Variants in TTLL9 observed in about 807,000 individuals in gnomAD.
The protein encoded by TTLL9 is probable tubulin polyglutamylase TTLL9.
A neutral mutation model predicts 65.6 loss-of-function variants in TTLL9; 47 were observed. That is an observed-to-expected ratio of 0.72 (90% confidence interval 0.57 to 0.91). The LOEUF is 0.91. TTLL9 is among the 40% of genes least tolerant of loss of function. The pLI, the probability that TTLL9 is intolerant of heterozygous loss-of-function variation, is 0.00. For synonymous variants in TTLL9, 179 were observed against 204.8 expected, an observed-to-expected ratio of 0.87 and a Z score of 1.07; for missense variants, 537 against 568.8, an observed-to-expected ratio of 0.94 and a Z score of 0.57.
At chr20:31,937,566 C>A in intron 13 of TTLL9, 57 bp downstream of exon 13, 1 of 1,411,042 alleles carries the variant, frequency 7.1e-7, no homozygotes, top group Non-Finnish European at 9.8e-7. Context: ...AGGCTCCCAC[C>A]AAGGAAGAGG....
intron 7 of TTLL9, among the ~76,000 whole-genome samples, chr20:31,922,233 C>A (rs2063825343): frequency 6.6e-6 from 1 of 151,600 alleles, no homozygotes; most frequent in African/African-American, 2.4e-5. Flanking sequence ...CCACTGCACT[C>A]CAGCCTGGAC....
chr20:31,904,268 T>A (rs917362572), intron 4 of TTLL9, among the ~76,000 whole-genome samples: 5 of 152,150 alleles, frequency 3.3e-5, no homozygotes, highest in African/African-American at 1.2e-4. Context: ...ATAAGTATCT[T>A]GTGGGCAGAT....
intron 12 of TTLL9, among the ~76,000 whole-genome samples, chr20:31,937,162 A>G (rs891659147): frequency 5.3e-5 from 8 of 151,094 alleles, no homozygotes; most frequent in Non-Finnish European, 3.0e-5. Context: ...TAATCCCAGC[A>G]CTTCGGGAGG....
intron 8 of TTLL9, 57 bp downstream of exon 8, chr20:31,923,110 C>A: frequency 2.1e-6 from 3 of 1,404,974 alleles, no homozygotes; most frequent in South Asian, 2.3e-5. Flanking sequence ...AACAGTCAGT[C>A]AACAAGCTTT....
intron 2 of TTLL9, among the ~76,000 whole-genome samples, chr20:31,886,428 G>A (rs563434610): frequency 6.6e-6 from 1 of 152,296 alleles, no homozygotes; most frequent in African/African-American, 2.4e-5. Flanking sequence ...GGATTTGAAA[G>A]GTCCAATTGG....
At chr20:31,916,575 G>A (rs915828027) in intron 6 of TTLL9, among the ~76,000 whole-genome samples, 19 of 152,224 alleles carry the variant, frequency 1.2e-4, no homozygotes, top group Non-Finnish European at 1.5e-5. Context: ...CAAGAAGGCT[G>A]AGGGTAGGCA....
intron 4 of TTLL9, among the ~76,000 whole-genome samples, chr20:31,904,027 AC>A (rs1402330651): frequency 6.6e-6 from 1 of 152,212 alleles, no homozygotes; most frequent in African/African-American, 2.4e-5. Flanking sequence ...TTTGAAGAGT[AC>A]ATTTTGTAGA....
chr20:31,887,755 C>T (rs998345001), intron 3 of TTLL9, among the ~76,000 whole-genome samples: 20 of 152,142 alleles, frequency 1.3e-4, no homozygotes, highest in Admixed American at 3.9e-4. Context: ...GAGTGAGCAA[C>T]GTAGACTTTA....
intron 4 of TTLL9, among the ~76,000 whole-genome samples, chr20:31,899,680 G>C (rs57532134): frequency 6.6e-6 from 1 of 151,264 alleles, no homozygotes; most frequent in Non-Finnish European, 1.5e-5. Flanking sequence ...CCCATCCCTT[G>C]AAGGACACAA....
chr20:31,909,956 G>GC, intron 6 of TTLL9, 34 bp downstream of exon 6: 3 of 658,908 alleles, frequency 4.6e-6, no homozygotes, highest in Non-Finnish European at 8.3e-6. Flanking sequence ...GGGTGGGAGG[G>GC]AATGAGTCCC....
At chr20:31,927,413 G>A (rs1484987415) in intron 10 of TTLL9, among the ~76,000 whole-genome samples, 4 of 149,394 alleles carry the variant, frequency 2.7e-5, no homozygotes, top group Non-Finnish European at 4.4e-5. Flanking sequence ...CCTGGGAGGC[G>A]GAGTTTGCAG....
intron 6 of TTLL9, among the ~76,000 whole-genome samples, chr20:31,918,423 G>A (rs1038258257): frequency 6.6e-6 from 1 of 151,574 alleles, no homozygotes; most frequent in African/African-American, 2.4e-5. Flanking sequence ...TGCCCAGGCT[G>A]TGCAGTGGTG....
chr20:31,919,762 A>T, intron 6 of TTLL9, 102 bp from the exon 7 acceptor site: 1 of 944,074 alleles, frequency 1.1e-6, no homozygotes, highest in South Asian at 2.1e-5. Flanking sequence ...GGGGTTCATA[A>T]GGAAAAAGAG....
chr20:31,933,950 C>A lies in TTLL9; in HGVS notation c.807+92C>A, dbSNP rs890994688. The A allele has an allele frequency of 7.6e-6, 10 of 1,319,472 alleles. No individual in the cohort carries two copies. In the Admixed American group the frequency reaches 1.9e-4, roughly 25 times the overall value. The allele number at this position is 1,319,472 out of a possible 1,614,324, so 81.7% of individuals were successfully genotyped here. ...GGAGTGGCAAGGAGCCCAGGACAGG[C>A]CTGTCTGAGCCTGTGTTCACCAGTG... On this transcript the variant is annotated intron_variant, in intron 11 of 14. Transcript: ENST00000535842.
At chr20:31,917,114 G>A (rs2063746920) in intron 6 of TTLL9, among the ~76,000 whole-genome samples, 1 of 152,088 alleles carries the variant, frequency 6.6e-6, no homozygotes, top group Non-Finnish European at 1.5e-5. Context: ...TAGAAAAGTA[G>A]CCAAATTATA....
Position 31,944,977 on chromosome 20 carries a change from C to T in TTLL9, c.*1956C>T, listed in dbSNP as rs1431310391. ...TGCTGCTATTCATTCATTCAGCTAA[C>T]ATTTATTGAGCCCTTAATGAACACA... is the stretch of plus-strand genomic sequence containing the variant. On this transcript the variant is annotated 3_prime_UTR_variant, in exon 15 of 15. Coordinates refer to ENST00000535842, the MANE Select transcript of TTLL9 (RefSeq NM_001008409.5). The T allele has an allele frequency of 3.9e-5, 6 of 152,232 alleles. No homozygotes were observed. Among genetic ancestry groups the T allele is most frequent in the African/African-American group, 1.4e-4 (6 of 41,442 alleles). The allele number at this position is 152,232 out of a possible 1,614,324, so 9.4% of individuals were successfully genotyped here. A position where few individuals can be genotyped will look rare whatever the true frequency, so the allele number is the denominator to read the frequency against.
intron 3 of TTLL9, among the ~76,000 whole-genome samples, chr20:31,896,762 T>G (rs1257857919): frequency 1.3e-5 from 2 of 152,180 alleles, no homozygotes; most frequent in East Asian, 3.8e-4. Flanking sequence ...ACTCCTGACC[T>G]CAAGTAATCT....
intron 6 of TTLL9, among the ~76,000 whole-genome samples, chr20:31,914,603 A>G (rs1309163690): frequency 1.3e-5 from 2 of 152,214 alleles, no homozygotes; most frequent in Non-Finnish European, 2.9e-5. Flanking sequence ...TGGTGAGAAA[A>G]AATGGGGAGG....
At position 31,943,628 on chromosome 20, in the gene TTLL9, C is replaced by T. The variant is rs2064261764; in HGVS notation, c.*607C>T. On this transcript the variant is annotated 3_prime_UTR_variant, in exon 15 of 15. Transcript: ENST00000535842. ...CAGGGGAGCCCATGGGGCTCCCTGA[C>T]CATCATCTGAAAACCAGTGGGACAG... The T allele has an allele frequency of 2.4e-6, 1 of 421,312 alleles. No individual in the cohort carries two copies. The highest frequency in any genetic ancestry group is 2.1e-5 in the African/African-American group (1 of 48,684). The allele number at this position is 421,312 out of a possible 1,614,324, so 26.1% of individuals were successfully genotyped here.
Sources: gnomAD v4.1 joint callset for allele counts (sites outside exome capture counted in the v4.1 genomes callset) on GRCh38, gnomAD v4.1.1 for gene constraint, MANE v1.5 for transcripts, NCBI Gene and HGNC (gene_info 2026-07-23, HGNC 2026-07-21) for gene names.